CCSER1: variants seen among roughly 807,000 people sequenced by gnomAD.
The protein encoded by CCSER1 is serine-rich coiled-coil domain-containing protein 1.
Under a neutral mutation model 82.0 loss-of-function variants are expected in CCSER1, and 41 were observed. The observed-to-expected ratio is 0.50, with a 90% CI of 0.39 to 0.65. The LOEUF (loss-of-function observed/expected upper bound fraction) is 0.65. Among genes scored for constraint, CCSER1 ranks in the 30% least tolerant of loss-of-function variants. The pLI, the probability that CCSER1 is intolerant of heterozygous loss-of-function variation, is 0.00. For missense variants in CCSER1, 1,119 were observed against 1,064.2 expected (o/e 1.05, Z -0.72); for synonymous variants, 414 against 383.9 (o/e 1.08, Z -0.92).
At position 91,600,160 on chromosome 4, in the gene CCSER1, C is replaced by A. The variant is rs1764755177; in HGVS notation, c.*1103C>A. The A allele has an allele frequency of 6.6e-6, 1 of 151,980 alleles. No homozygotes were observed. Among genetic ancestry groups the A allele is most frequent in the South Asian group, 2.1e-4 (1 of 4,830 alleles). 9.4% of individuals were successfully genotyped at this position (151,980 alleles called of 1,614,324 possible). Reference sequence around the variant, plus strand: ...TTTAATCTTAGAAATAAGCTTCTAACAGGAATATTTAAAACCCATTTGATG... The same window carrying A: ...TTTAATCTTAGAAATAAGCTTCTAAAAGGAATATTTAAAACCCATTTGATG... On this transcript the variant is annotated 3_prime_UTR_variant, in exon 11 of 11. Transcript: ENST00000509176.
intron 9 of CCSER1, among the ~76,000 whole-genome samples, chr4:91,068,133 A>T (rs1205768040): frequency 6.6e-6 from 1 of 152,228 alleles, no homozygotes; most frequent in African/African-American, 2.4e-5. Flanking sequence ...GATAGGGAGA[A>T]CTAAAATATA....
intron 10 of CCSER1, among the ~76,000 whole-genome samples, chr4:91,438,129 T>A (rs1322837596): frequency 1.3e-5 from 2 of 152,196 alleles, no homozygotes; most frequent in East Asian, 3.9e-4. Flanking sequence ...AAGAGAGCAG[T>A]GGTTCTCCCA....
At chr4:90,739,062 A>G (rs1170125765) in intron 7 of CCSER1, among the ~76,000 whole-genome samples, 1 of 152,190 alleles carries the variant, frequency 6.6e-6, no homozygotes, top group Middle Eastern at 3.2e-3. Context: ...CACAGCTGTG[A>G]ATGTGCTGGG....
intron 5 of CCSER1, among the ~76,000 whole-genome samples, chr4:90,602,286 A>G (rs1178736739): frequency 6.6e-6 from 1 of 152,148 alleles, no homozygotes; most frequent in Non-Finnish European, 1.5e-5. Flanking sequence ...TATACCTGGT[A>G]ATATTCCTTG....
At position 90,347,176 on chromosome 4, in the gene CCSER1, G is replaced by A. The variant is rs368273990; in HGVS notation, c.1509+34129G>A. 3.3e-5 allele frequency among the ~76,000 whole-genome samples: 5 copies of A among 152,080 alleles called. No individual in the cohort carries two copies. The East Asian group carries it at 7.7e-4, about 23-fold the overall frequency. ...CAGAGTATAATTGGAATAAACAAAAGCATAAATAATAGGACAGATTTGCCT... is the reference window on the plus strand; with the variant it reads ...CAGAGTATAATTGGAATAAACAAAAACATAAATAATAGGACAGATTTGCCT... On this transcript the variant is annotated intron_variant, in intron 3 of 10. Coordinates refer to ENST00000509176, the MANE Select transcript of CCSER1 (RefSeq NM_001145065.2).
At chr4:90,506,493 TG>T (rs1160087903) in intron 5 of CCSER1, among the ~76,000 whole-genome samples, 1 of 152,202 alleles carries the variant, frequency 6.6e-6, no homozygotes, top group African/African-American at 2.4e-5. Flanking sequence ...CCGGGCATGG[TG>T]GCTCACGCCT....
In CCSER1 at chr4:91,442,036, A is replaced by G. The variant is rs369554623; in HGVS notation, c.2218-156536A>G. ...AGGAAGAATCAATATCATGAAAATG[A>G]CCATACTGCCCAAGGTAATTTATAG... On this transcript the variant is annotated intron_variant, in intron 10 of 10. Transcript: ENST00000509176. Among the ~76,000 whole-genome samples the G allele has an allele frequency of 4.5e-4, 69 of 152,188 alleles. 1 individual carries two copies. In the South Asian group the frequency reaches 0.013, roughly 29 times the overall value.
At chr4:90,203,979 A>G (rs559152857) in intron 1 of CCSER1, among the ~76,000 whole-genome samples, 98 of 152,162 alleles carry the variant, frequency 6.4e-4, no homozygotes, top group Non-Finnish European at 1.2e-3. Flanking sequence ...TGTTGGCTGT[A>G]TAAATGTCTA....
chr4:90,229,179 G>A (rs1413397940), intron 1 of CCSER1, among the ~76,000 whole-genome samples: 2 of 152,102 alleles, frequency 1.3e-5, no homozygotes, highest in African/African-American at 2.4e-5. Context: ...CAGATTCATT[G>A]AAGTTGAAAT....
intron 9 of CCSER1, among the ~76,000 whole-genome samples, chr4:91,019,481 T>C (rs1267847915): frequency 6.6e-6 from 1 of 152,194 alleles, no homozygotes; most frequent in Non-Finnish European, 1.5e-5. Context: ...TTATTTGATA[T>C]TGAGAGCATA....
intron 10 of CCSER1, among the ~76,000 whole-genome samples, chr4:91,579,791 TG>T (rs1266093573): frequency 1.3e-5 from 2 of 151,858 alleles, no homozygotes; most frequent in African/African-American, 4.8e-5. Flanking sequence ...GTGAATACCA[TG>T]GTCATGAAAA....
At chr4:90,916,796 A>T (rs1363012693) in intron 8 of CCSER1, among the ~76,000 whole-genome samples, 7 of 152,078 alleles carry the variant, frequency 4.6e-5, no homozygotes, top group Non-Finnish European at 8.8e-5. Context: ...GAATCTACAA[A>T]GAACTCAAAC....
At chr4:91,317,081 T>C (rs1315565802) in intron 10 of CCSER1, among the ~76,000 whole-genome samples, 1 of 152,030 alleles carries the variant, frequency 6.6e-6, no homozygotes, top group Non-Finnish European at 1.5e-5. Flanking sequence ...AAATGTGTGG[T>C]GACATGTTAA....
chr4:90,352,475 C>T (rs1743645524), intron 3 of CCSER1, among the ~76,000 whole-genome samples: 2 of 151,888 alleles, frequency 1.3e-5, no homozygotes, highest in South Asian at 4.1e-4. Context: ...ACCAGCCTGG[C>T]CAACATGATG....
chr4:90,648,137 G>A (rs1017928559), intron 6 of CCSER1, among the ~76,000 whole-genome samples: 1 of 151,538 alleles, frequency 6.6e-6, no homozygotes, highest in Non-Finnish European at 1.5e-5. Context: ...CGTAGTTATA[G>A]AATTCAGTTT....
At chr4:91,525,178 C>G (rs1516702) in intron 10 of CCSER1, among the ~76,000 whole-genome samples, 153 of 152,002 alleles carry the variant, frequency 1.0e-3, no homozygotes, top group Middle Eastern at 3.4e-3. Context: ...AAGAAATATA[C>G]AGGAGAGTAT....
chr4:91,147,568 G>T (rs188485072), intron 10 of CCSER1, among the ~76,000 whole-genome samples: 2 of 152,196 alleles, frequency 1.3e-5, no homozygotes, highest in African/African-American at 4.8e-5. Context: ...ATAGAGATCA[G>T]CTCAATACTC....
intron 10 of CCSER1, among the ~76,000 whole-genome samples, chr4:91,218,386 C>A (rs149045643): frequency 1.3e-5 from 2 of 152,144 alleles, no homozygotes; most frequent in Non-Finnish European, 2.9e-5. Flanking sequence ...GGAGTGGGCT[C>A]CAGCCTTGGC....
At chr4:90,358,842 A>G (rs1305497588) in intron 3 of CCSER1, among the ~76,000 whole-genome samples, 1 of 152,210 alleles carries the variant, frequency 6.6e-6, no homozygotes, top group Non-Finnish European at 1.5e-5. Context: ...ATGCTTAATC[A>G]CAAACATCAA....
Sources: allele counts gnomAD v4.1 joint callset (sites outside exome capture counted in the v4.1 genomes callset), GRCh38; gene constraint gnomAD v4.1.1; transcripts MANE v1.5; gene names NCBI Gene and HGNC (gene_info 2026-07-23, HGNC 2026-07-21).